NRG1: variants seen among roughly 807,000 people sequenced by gnomAD.
The protein encoded by NRG1 is pro-neuregulin-1, membrane-bound isoform.
In NRG1, 18 loss-of-function variants were observed where a neutral mutation model predicts 63.8. The observed-to-expected ratio is 0.28, with a 90% CI of 0.19 to 0.42. NRG1 has a LOEUF of 0.42. Ranked by LOEUF, NRG1 falls within the 10% of genes least tolerant of loss-of-function variation. The probability of loss-of-function intolerance (pLI) is 1.00; values close to 1 mark genes in which losing one functional copy is unlikely to be tolerated. For missense variants in NRG1, 762 were observed against 814.7 expected, an observed-to-expected ratio of 0.94 and a Z score of 0.79; for synonymous variants, 302 against 301.3, an observed-to-expected ratio of 1.00 and a Z score of -0.02.
chr8:32,721,521 T>A (rs908709010), intron 5 of NRG1, among the ~76,000 whole-genome samples: 1 of 152,166 alleles, frequency 6.6e-6, no homozygotes, highest in Non-Finnish European at 1.5e-5. Context: ...CTGGCTTCCC[T>A]TTTTGTTTCT....
At chr8:31,891,874 A>T (rs1430267445) in intron 1 of NRG1, among the ~76,000 whole-genome samples, 1 of 152,230 alleles carries the variant, frequency 6.6e-6, no homozygotes, top group African/African-American at 2.4e-5. Context: ...TTCCAGAGAA[A>T]TATGCTGAGT....
intron 1 of NRG1, among the ~76,000 whole-genome samples, chr8:32,146,375 G>A (rs373209548): frequency 2.0e-4 from 31 of 152,248 alleles, no homozygotes; most frequent in African/African-American, 6.0e-4. Context: ...AAACTGTTTC[G>A]ATGAGAATTA....
intron 1 of NRG1, among the ~76,000 whole-genome samples, chr8:32,156,436 C>T (rs1838072876): frequency 6.6e-6 from 1 of 152,150 alleles, no homozygotes; most frequent in Admixed American, 6.5e-5. Flanking sequence ...GCTTTCTTCT[C>T]CTTCACCAGA....
At chr8:32,204,656 T>A (rs893006882) in intron 1 of NRG1, among the ~76,000 whole-genome samples, 1 of 152,210 alleles carries the variant, frequency 6.6e-6, no homozygotes, top group Admixed American at 6.5e-5. Context: ...TGTTAACGGA[T>A]CTTTTAAAAT....
chr8:31,883,414 C>G (rs745707284), intron 1 of NRG1, among the ~76,000 whole-genome samples: 12 of 152,044 alleles, frequency 7.9e-5, no homozygotes, highest in Non-Finnish European at 1.3e-4. Flanking sequence ...CTTTATTATT[C>G]AGTTCACTAG....
intron 1 of NRG1, among the ~76,000 whole-genome samples, chr8:31,852,158 G>A (rs999991142): frequency 2.5e-4 from 38 of 152,082 alleles, no homozygotes; most frequent in Non-Finnish European, 4.4e-4. Flanking sequence ...GGTATTTCTA[G>A]TTCTAGATCC....
At chr8:32,544,191 A>G (rs186692249), upstream of NRG1, among the ~76,000 whole-genome samples, 6 of 152,236 alleles carry the variant, frequency 3.9e-5, no homozygotes, top group Admixed American at 3.3e-4. Context: ...TGGAATCACT[A>G]AAAGTGAATT....
At chr8:32,050,013 C>T (rs1821716899) in intron 1 of NRG1, among the ~76,000 whole-genome samples, 1 of 152,072 alleles carries the variant, frequency 6.6e-6, no homozygotes, top group Non-Finnish European at 1.5e-5. Flanking sequence ...GAAGAAAAAG[C>T]TTGCATTTGG....
At chr8:31,707,963 A>G (rs1431909398) in intron 1 of NRG1, among the ~76,000 whole-genome samples, 1 of 152,070 alleles carries the variant, frequency 6.6e-6, no homozygotes, top group Non-Finnish European at 1.5e-5. Flanking sequence ...AAATTTTATC[A>G]GTGATCATCT....
intron 1 of NRG1, among the ~76,000 whole-genome samples, chr8:31,739,043 C>T (rs1375500773): frequency 5.9e-5 from 9 of 152,004 alleles, no homozygotes; most frequent in Admixed American, 3.3e-4. Flanking sequence ...GTGGTGTGCA[C>T]GTATGTGTAT....
chr8:32,342,560 C>T (rs573971713), intron 1 of NRG1, among the ~76,000 whole-genome samples: 1 of 152,282 alleles, frequency 6.6e-6, no homozygotes, highest in South Asian at 2.1e-4. Context: ...AGTCCACAAG[C>T]AGTCTAGATT....
At chr8:32,646,619 T>G in intron 5 of NRG1, 5 of 886,286 alleles carry the variant, frequency 5.6e-6, no homozygotes, top group Non-Finnish European at 5.4e-6. Flanking sequence ...GACCCAACAG[T>G]GGGTGAAGGA....
chr8:32,249,723 G>T (rs1237150808), intron 1 of NRG1, among the ~76,000 whole-genome samples: 2 of 152,028 alleles, frequency 1.3e-5, no homozygotes, highest in Non-Finnish European at 2.9e-5. Context: ...GGAGCACAAA[G>T]GGCCCAAATA....
rs568829481 is a variant in NRG1 at position 32,237,865 on chromosome 8, C to G, written c.38-357963C>G. On this transcript the variant is annotated intron_variant, in intron 1 of 10. Transcript: ENST00000519301. ...GAATCAATGACTTTTATAGTTACTT[C>G]CATGAGTTTTTCCTCCTGCATTTTA... 6.6e-5 allele frequency among the ~76,000 whole-genome samples: 10 copies of G among 152,218 alleles called. No homozygotes were observed. The East Asian group carries it at 1.7e-3, about 27-fold the overall frequency.
intron 5 of NRG1, chr8:32,721,993 G>T (rs1820766796): frequency 2.6e-6 from 4 of 1,547,264 alleles, no homozygotes; most frequent in Non-Finnish European, 2.6e-6. Flanking sequence ...ACTTCAAAGA[G>T]CAGGAAAGTA....
At chr8:32,076,061 C>A (rs1026730413) in intron 1 of NRG1, among the ~76,000 whole-genome samples, 2 of 152,174 alleles carry the variant, frequency 1.3e-5, no homozygotes, top group Non-Finnish European at 2.9e-5. Flanking sequence ...GGAGAGCCAG[C>A]TGTGTATTGT....
intron 1 of NRG1, among the ~76,000 whole-genome samples, chr8:32,166,677 G>A (rs907811304): frequency 6.6e-6 from 1 of 152,162 alleles, no homozygotes; most frequent in Non-Finnish European, 1.5e-5. Flanking sequence ...ATGTCCAATT[G>A]AGCTGCTGTT....
At chr8:31,907,225 GT>G (rs71539997) in intron 1 of NRG1, among the ~76,000 whole-genome samples, 61,423 of 151,472 alleles carry the variant, frequency 0.41, 13,011 homozygotes, top group African/African-American at 0.53. Context: ...CTCCTGATGG[GT>G]TGATGCCACA....
chr8:32,562,248 C>T (rs953554934), intron 1 of NRG1, among the ~76,000 whole-genome samples: 7 of 151,902 alleles, frequency 4.6e-5, no homozygotes, highest in African/African-American at 1.7e-4. Context: ...GATTCCCAGC[C>T]AGTCATGGAT....
Sources: allele counts gnomAD v4.1 joint callset (sites outside exome capture counted in the v4.1 genomes callset), GRCh38; gene constraint gnomAD v4.1.1; transcripts MANE v1.5; gene names NCBI Gene and HGNC (gene_info 2026-07-23, HGNC 2026-07-21).